CAMSAP1: variants seen among roughly 807,000 people sequenced by gnomAD.
The protein encoded by CAMSAP1 is calmodulin regulated spectrin associated protein 1, also known as calmodulin-regulated spectrin-associated protein 1.
In CAMSAP1, 58 loss-of-function variants were observed where a neutral mutation model predicts 143.5. That is an observed-to-expected ratio of 0.40 (90% CI 0.33 to 0.50). The LOEUF (loss-of-function observed/expected upper bound fraction) is 0.50. CAMSAP1 is among the 20% of genes least tolerant of loss of function. The pLI, the probability that CAMSAP1 is intolerant of heterozygous loss-of-function variation, is 0.45. For synonymous variants in CAMSAP1, 945 were observed against 859.3 expected, an observed-to-expected ratio of 1.10 and a Z score of -1.74; for missense variants, 1,969 against 2,115.7, an observed-to-expected ratio of 0.93 and a Z score of 1.36.
chr9:135,848,316 C>G (rs1218112748), intron 7 of CAMSAP1, among the ~76,000 whole-genome samples: 4 of 151,972 alleles, frequency 2.6e-5, no homozygotes, highest in African/African-American at 9.7e-5. Flanking sequence ...AGCTTTTTGT[C>G]GTTATTCTTT....
Position 135,822,621 on chromosome 9 carries a change from A to G in CAMSAP1, c.2040T>C (p.Gly680=), listed in dbSNP as rs541935427. The G allele has an allele frequency of 2.5e-6, 4 of 1,611,648 alleles. No individual in the cohort carries two copies. The Admixed American group carries it at 6.7e-5, about 27-fold the overall frequency. Residue 680 remains glycine, a synonymous_variant, in exon 11 of 17, where the codon GGT becomes GGC. Transcript: ENST00000389532. This position sits in a 1 kb window ranked among gnomAD's most constrained non-coding sequence, Gnocchi z 6.1. ...CGAATCCGCCAAGGGCCAGAGGCCC[A>G]CCACAGACCTCTCCTGCGGTTTCCA... ...LSVETAGEVC[G]GPLALGGFDP... is the part of the protein sequence containing the mutation.
intron 7 of CAMSAP1, among the ~76,000 whole-genome samples, chr9:135,832,368 A>G (rs1835885495): frequency 6.6e-6 from 1 of 152,072 alleles, no homozygotes; most frequent in South Asian, 2.1e-4. Context: ...TCCATTCATG[A>G]TTTAAAAAAA....
chr9:135,866,307 AT>A lies in CAMSAP1; in HGVS notation c.666+148del, dbSNP rs1293383805. The A allele has an allele frequency of 6.1e-5, 36 of 591,944 alleles. No homozygotes were observed. In the East Asian group the frequency reaches 9.9e-4, roughly 16 times the overall value. The allele number at this position is 591,944 out of a possible 1,614,324, so 36.7% of individuals were successfully genotyped here. ...GTCACATCTCACTGAGGTGTGGAGAATCAGCCCACCAGGTGAATCCAAGAGA... is the reference window on the plus strand; with the variant it reads ...GTCACATCTCACTGAGGTGTGGAGAACAGCCCACCAGGTGAATCCAAGAGA... On this transcript the variant is annotated intron_variant, in intron 4 of 16. Coordinates refer to ENST00000389532, the MANE Select transcript of CAMSAP1 (RefSeq NM_015447.4).
chr9:135,818,788 A>G lies in CAMSAP1; in HGVS notation c.3960-172T>C. On this transcript the variant is annotated intron_variant, in intron 12 of 16. Coordinates refer to ENST00000389532, the MANE Select transcript of CAMSAP1 (RefSeq NM_015447.4). This position sits in a 1 kb window ranked among gnomAD's most constrained non-coding sequence, Gnocchi z 7.7. ...GGCTGCAAAGGCAGTCCTGCAGATGACCCACCGAGGCCACACAGCCTCCCT... is the reference window on the plus strand; with the variant it reads ...GGCTGCAAAGGCAGTCCTGCAGATGGCCCACCGAGGCCACACAGCCTCCCT... 1 of 1,054,872 alleles carries G rather than the reference A, an allele frequency of 9.5e-7. No homozygotes were observed. Among genetic ancestry groups the G allele is most frequent in the South Asian group, 1.6e-5 (1 of 61,514 alleles). 65.3% of individuals were successfully genotyped at this position (1,054,872 alleles called of 1,614,324 possible). A position where few individuals can be genotyped will look rare whatever the true frequency, so the allele number is the denominator to read the frequency against.
At chr9:135,905,232 A>G (rs113626374) in intron 1 of CAMSAP1, among the ~76,000 whole-genome samples, 1,880 of 152,372 alleles carry the variant, frequency 0.012, 47 homozygotes, top group African/African-American at 0.044. Context: ...AAGTGAAACT[A>G]GACGAACCCA....
At position 135,862,627 on chromosome 9, in the gene CAMSAP1, A is replaced by G. The variant is rs531943199; in HGVS notation, c.667-19T>C. 100 of 1,551,288 alleles carry G rather than the reference A, an allele frequency of 6.4e-5. No homozygotes were observed. The highest frequency in any genetic ancestry group is 8.6e-5 in the Non-Finnish European group (99 of 1,147,002). On this transcript the variant is annotated intron_variant, in intron 4 of 16. Transcript: ENST00000389532. ...AGCGGACCTGTAGTTGATAAAAGGAAAACGGTCTCTGCATGTGATGTCTCT... is the reference window on the plus strand; with the variant it reads ...AGCGGACCTGTAGTTGATAAAAGGAGAACGGTCTCTGCATGTGATGTCTCT...
chr9:135,876,143 G>T (rs556912899), intron 3 of CAMSAP1, among the ~76,000 whole-genome samples: 2 of 152,108 alleles, frequency 1.3e-5, no homozygotes, highest in East Asian at 3.9e-4. Context: ...GTAGAGACAC[G>T]GTTTCACCAC....
chr9:135,886,655 A>G (rs1351535296), intron 1 of CAMSAP1, among the ~76,000 whole-genome samples: 13 of 152,200 alleles, frequency 8.5e-5, no homozygotes, highest in Admixed American at 8.5e-4. Flanking sequence ...ATGCAATGAG[A>G]CCACATCAAG....
At chr9:135,823,900 T>G in intron 10 of CAMSAP1, 50 bp downstream of exon 10, 1 of 1,437,826 alleles carries the variant, frequency 7.0e-7, no homozygotes, top group Non-Finnish European at 9.6e-7. Flanking sequence ...GAACTGCTGT[T>G]TAGTATAAAA....
rs963469865 is a variant in CAMSAP1, at chr9:135,819,106, G to A, written c.3863C>T (p.Ala1288Val). The change falls in exon 12 of 17, where the codon GCG becomes GTG. Residue 1288 changes from alanine (A) to valine (V), a missense_variant. Physicochemically the swap from Ala to Val is moderately conservative, Grantham distance 64 (BLOSUM62 0). Coordinates refer to ENST00000389532, the MANE Select transcript of CAMSAP1 (RefSeq NM_015447.4). ...GCGCTGCTGCTTCAGGAGGAAGGCC[G>A]CCCGCTTCTTGGCGAGCTCATCTTC... is the stretch of plus-strand genomic sequence containing the variant. ...KAEDELAKKR[A>V]AFLLKQQRKA... 4.4e-6 allele frequency: 7 copies of A among 1,601,522 alleles called. No individual in the cohort carries two copies. Among genetic ancestry groups the A allele is most frequent in the South Asian group, 3.4e-5 (3 of 88,694 alleles).
intron 3 of CAMSAP1, among the ~76,000 whole-genome samples, chr9:135,881,390 G>A (rs1837943471): frequency 6.6e-6 from 1 of 151,756 alleles, no homozygotes; most frequent in Non-Finnish European, 1.5e-5. Context: ...GGCACTCAAA[G>A]TACCGACATG....
chr9:135,858,453 T>C (rs555925970), intron 5 of CAMSAP1, among the ~76,000 whole-genome samples: 7 of 152,256 alleles, frequency 4.6e-5, no homozygotes, highest in Non-Finnish European at 1.0e-4. Flanking sequence ...ACCCTGCCCC[T>C]GTTGAGCTCA....
chr9:135,906,488 G>A (rs1430469235), intron 1 of CAMSAP1, among the ~76,000 whole-genome samples: 2 of 152,198 alleles, frequency 1.3e-5, no homozygotes, highest in Non-Finnish European at 2.9e-5. Context: ...TTAACCAAAG[G>A]GGATCATTAT....
intron 1 of CAMSAP1, among the ~76,000 whole-genome samples, chr9:135,897,047 C>T (rs1275149103): frequency 2.0e-5 from 3 of 152,216 alleles, no homozygotes; most frequent in African/African-American, 7.2e-5. Context: ...TTATAAATTA[C>T]TCAAAAGTAC....
In CAMSAP1 at chr9:135,817,737, G is replaced by A. The variant is rs1588439965; in HGVS notation, c.4271+240C>T. On this transcript the variant is annotated intron_variant, in intron 14 of 16. Transcript: ENST00000389532. ...AAACGATGAAGAAGCAGGTGTGCAC[G>A]TGTGGGGTGGGGGACAGGGGAGGGT... 75 of 485,730 alleles carry A rather than the reference G, an allele frequency of 1.5e-4. 1 individual carries two copies. The East Asian group carries it at 2.6e-3, about 17-fold the overall frequency. The allele number at this position is 485,730 out of a possible 1,614,324, so 30.1% of individuals were successfully genotyped here. A position where few individuals can be genotyped will look rare whatever the true frequency, so the allele number is the denominator to read the frequency against.
In CAMSAP1 at chr9:135,868,609, ATTTTTT is replaced by A. The variant is rs767495608; in HGVS notation, c.586-2079_586-2074del. Among the ~76,000 whole-genome samples the A allele has an allele frequency of 7.5e-5, 7 of 93,466 alleles. 1 individual carries two copies. The highest frequency in any genetic ancestry group is 1.4e-4 in the African/African-American group (3 of 21,536). 61.3% of individuals were successfully genotyped at this position (93,466 alleles called of 152,430 possible). A position where few individuals can be genotyped will look rare whatever the true frequency, so the allele number is the denominator to read the frequency against. On this transcript the variant is annotated intron_variant, in intron 3 of 16. Transcript: ENST00000389532. ...AAAGGCTTTTCTGATGAGATTGGCA[ATTTTTT>A]TTTTTTTTTTTTTTTTTTTTGAGAT...
rs1335241250 is a variant in CAMSAP1, at chr9:135,821,365, G to A, written c.3296C>T (p.Ser1099Phe). Residue 1099 changes from serine (S) to phenylalanine (F), a missense_variant, in exon 11 of 17, where the codon TCC becomes TTC. Physicochemically the swap from Ser to Phe is radical, Grantham distance 155. This residue lies in a region of CAMSAP1 where 1,390 missense variants were observed against 1,420.8 expected (regional missense o/e 0.98). Coordinates refer to ENST00000389532, the MANE Select transcript of CAMSAP1 (RefSeq NM_015447.4). The surrounding 1 kb of genome is among the most constrained non-coding windows in gnomAD (Gnocchi z 4.6). ...CAGCTCCGCCGGCCTTCCGGAACGG[G>A]AATTCCGGCCTTGACCCAGCCGGGG... ...KAPRLGQGRN[S>F]RSGRPAELKV... is the part of the protein sequence containing the mutation. 1 of 1,613,664 alleles carries A rather than the reference G, an allele frequency of 6.2e-7. No individual in the cohort carries two copies. The highest frequency in any genetic ancestry group is 1.7e-5 in the Admixed American group (1 of 59,998).
At position 135,820,858 on chromosome 9, in the gene CAMSAP1, C is replaced by G. The variant is rs777078894; in HGVS notation, c.3803G>C (p.Gly1268Ala). ...CCTTACCTTGAAGAAGAAGCCGACCCCCGGCTTCTGGTCGCCTTCGCTGAC... is the reference window on the plus strand; with the variant it reads ...CCTTACCTTGAAGAAGAAGCCGACCGCCGGCTTCTGGTCGCCTTCGCTGAC... The part of the protein sequence containing the change: ...DLVSEGDQKP[G>A]VGFFFKDEQK... The change falls in exon 11 of 17, where the codon GGG becomes GCG. Residue 1268 changes from glycine to alanine, a missense_variant. Gly to Ala is a moderately conservative substitution (Grantham distance 60). This residue lies in a region of CAMSAP1 where 1,390 missense variants were observed against 1,420.8 expected (regional missense o/e 0.98). Transcript: ENST00000389532. The surrounding 1 kb of genome is among the most constrained non-coding windows in gnomAD (Gnocchi z 4.4). 12 of 1,613,154 alleles carry G rather than the reference C, an allele frequency of 7.4e-6. No homozygotes were observed. Among genetic ancestry groups the G allele is most frequent in the Non-Finnish European group, 9.3e-6 (11 of 1,179,870 alleles).
chr9:135,839,084 C>T (rs1167813252), intron 7 of CAMSAP1, among the ~76,000 whole-genome samples: 2 of 152,246 alleles, frequency 1.3e-5, no homozygotes, highest in South Asian at 2.1e-4. Flanking sequence ...GTTCTGCAGA[C>T]ACACTTCGCT....
Sources: gnomAD v4.1 joint callset for allele counts (sites outside exome capture counted in the v4.1 genomes callset) on GRCh38, gnomAD v4.1.1 for gene constraint, gnomAD v4.1.1 regional missense constraint, Gnocchi (gnomAD v3.1) non-coding constraint, MANE v1.5 for transcripts, NCBI Gene and HGNC (gene_info 2026-07-23, HGNC 2026-07-21) for gene names.